The following RARA variants were observed in gnomAD, a reference collection of about 807,000 sequenced individuals.
The protein encoded by RARA is retinoic acid receptor alpha.
Under a neutral mutation model 42.8 loss-of-function variants are expected in RARA, and 5 were observed. That is an observed-to-expected ratio of 0.12 (90% CI 0.06 to 0.25). The LOEUF (loss-of-function observed/expected upper bound fraction) is 0.25. Ranked by LOEUF, RARA falls within the 10% of genes least tolerant of loss-of-function variation. The pLI is 1.00. For synonymous variants in RARA, 256 were observed against 259.5 expected (o/e 0.99, Z 0.13); for missense variants, 402 against 628.7 (o/e 0.64, Z 3.86).
intron 2 of RARA, among the ~76,000 whole-genome samples, chr17:40,344,338 AGT>A: frequency 6.6e-6 from 1 of 151,966 alleles, no homozygotes; most frequent in South Asian, 2.1e-4. Flanking sequence ...AAGAAGAGAG[AGT>A]GAGAGGATGA....
chr17:40,339,216 C>G (rs1158262105), intron 2 of RARA, among the ~76,000 whole-genome samples: 1 of 152,134 alleles, frequency 6.6e-6, no homozygotes, highest in African/African-American at 2.4e-5. Flanking sequence ...TACTGGGAGC[C>G]AGTGTCCACC....
chr17:40,342,409 C>T, intron 2 of RARA: 13 of 1,164,288 alleles, frequency 1.1e-5, no homozygotes, highest in Non-Finnish European at 1.4e-5. Context: ...AGACGGGAGT[C>T]CCCTCGAGGT....
intron 1 of RARA, among the ~76,000 whole-genome samples, chr17:40,316,694 G>T (rs1270133171): frequency 1.3e-5 from 2 of 152,204 alleles, no homozygotes; most frequent in African/African-American, 4.8e-5. Context: ...AGGCTGGAAG[G>T]CCCTTGGGGG....
chr17:40,342,235 C>A, intron 2 of RARA: 9 of 1,057,316 alleles, frequency 8.5e-6, no homozygotes, highest in Non-Finnish European at 1.0e-5. Context: ...GCGCGGGATC[C>A]CCACCCCCAC....
At chr17:40,313,935 G>A (rs1244188465) in intron 1 of RARA, among the ~76,000 whole-genome samples, 3 of 152,200 alleles carry the variant, frequency 2.0e-5, no homozygotes, top group Admixed American at 6.5e-5. Context: ...TGGGACTTGC[G>A]GAGTTGCTCA....
In RARA at chr17:40,351,816, C is replaced by A; in HGVS notation, c.470-94C>A. 1 of 1,504,094 alleles carries A rather than the reference C, an allele frequency of 6.6e-7. No homozygotes were observed. Among genetic ancestry groups the A allele is most frequent in the South Asian group, 1.3e-5 (1 of 79,772 alleles). 93.2% of individuals were successfully genotyped at this position (1,504,094 alleles called of 1,614,324 possible). A position where few individuals can be genotyped will look rare whatever the true frequency, so the allele number is the denominator to read the frequency against. On this transcript the variant is annotated intron_variant, in intron 4 of 8. Transcript: ENST00000254066. The surrounding 1 kb of genome is among the most constrained non-coding windows in gnomAD (Gnocchi z 4.1). ...GCGCGTGCTTACAAGCCTGGGTGAC[C>A]TCCTCAGCAGCTGGCAGCTCTCTGT... is the stretch of plus-strand genomic sequence containing the variant.
At position 40,330,486 on chromosome 17, in the gene RARA, C is replaced by A. The variant is rs147254893; in HGVS notation, c.-362-371C>A. Among the ~76,000 whole-genome samples, 485 of 152,230 alleles carry A rather than the reference C, an allele frequency of 3.2e-3. 3 individuals carry two copies. Among genetic ancestry groups the A allele is most frequent in the Non-Finnish European group, 4.9e-3 (332 of 67,986 alleles). ...TTTTCCTCCCCCTCCCTCTTCCCCC[C>A]CAGCACACGTTCTCTGCATCTTGAC... On this transcript the variant is annotated intron_variant, in intron 1 of 8. Coordinates refer to ENST00000254066, the MANE Select transcript of RARA (RefSeq NM_000964.4).
intron 1 of RARA, among the ~76,000 whole-genome samples, chr17:40,311,260 CT>C (rs2033090469): frequency 2.0e-5 from 3 of 152,086 alleles, no homozygotes; most frequent in East Asian, 1.9e-4. Flanking sequence ...AGGACTGCCC[CT>C]GGCACTGCCC....
In RARA at chr17:40,331,204, C is replaced by A; in HGVS notation, c.-15C>A. Reference sequence around the variant, plus strand: ...GCCAGACTGTCTGCCTCCCTTCTGACTGTGGCCGCTTGGCATGGCCAGCAA... The same window carrying A: ...GCCAGACTGTCTGCCTCCCTTCTGAATGTGGCCGCTTGGCATGGCCAGCAA... On this transcript the variant is annotated 5_prime_UTR_variant, in exon 2 of 9. The change creates a new upstream start codon in the 5' untranslated region. Transcript: ENST00000254066. 6.2e-7 allele frequency: 1 copy of A among 1,602,948 alleles called. No individual in the cohort carries two copies. Among genetic ancestry groups the A allele is most frequent in the Non-Finnish European group, 8.5e-7 (1 of 1,175,788 alleles).
rs2034031697 is a variant in RARA, at chr17:40,341,397, CACAG to C, written c.179-6915_179-6912del. The C allele has an allele frequency of 5.4e-6, 8 of 1,494,144 alleles. No individual in the cohort carries two copies. The East Asian group carries it at 2.3e-4, about 43-fold the overall frequency. The allele number at this position is 1,494,144 out of a possible 1,614,324, so 92.6% of individuals were successfully genotyped here. A position where few individuals can be genotyped will look rare whatever the true frequency, so the allele number is the denominator to read the frequency against. ...CGGCGGCCGGAGTCACACATGATGTCACAGACAATGACACAAGCCGGTGTCTCAT... is the reference window on the plus strand; with the variant it reads ...CGGCGGCCGGAGTCACACATGATGTCACAATGACACAAGCCGGTGTCTCAT... On this transcript the variant is annotated intron_variant, in intron 2 of 8. Coordinates refer to ENST00000254066, the MANE Select transcript of RARA (RefSeq NM_000964.4).
Position 40,357,031 on chromosome 17 carries a change from T to C in RARA, c.*805T>C, listed in dbSNP as rs2034655762. 9 of 385,838 alleles carry C rather than the reference T, an allele frequency of 2.3e-5. No individual in the cohort carries two copies. In the South Asian group the frequency reaches 2.4e-4, roughly 10 times the overall value. The allele number at this position is 385,838 out of a possible 1,614,324, so 23.9% of individuals were successfully genotyped here. A position where few individuals can be genotyped will look rare whatever the true frequency, so the allele number is the denominator to read the frequency against. Reference sequence around the variant, plus strand: ...TCCCACTGGAGAAGCCGCCAGCCCCTTTCTCCCTCTGCCTGACCACTGGGT... The same window carrying C: ...TCCCACTGGAGAAGCCGCCAGCCCCCTTCTCCCTCTGCCTGACCACTGGGT... On this transcript the variant is annotated 3_prime_UTR_variant, in exon 9 of 9. Coordinates refer to ENST00000254066, the MANE Select transcript of RARA (RefSeq NM_000964.4).
chr17:40,341,945 C>G lies in RARA; in HGVS notation c.179-6371C>G, dbSNP rs113062113. On this transcript the variant is annotated intron_variant, in intron 2 of 8. Transcript: ENST00000254066. Reference sequence around the variant, plus strand: ...TGTACTCCTCATCTGGAGCCTTTCCCCCTTCCTGCTTCTCTCCTCTCCTCC... The same window carrying G: ...TGTACTCCTCATCTGGAGCCTTTCCGCCTTCCTGCTTCTCTCCTCTCCTCC... 2.6e-5 allele frequency: 30 copies of G among 1,141,786 alleles called. No homozygotes were observed. In the African/African-American group the frequency reaches 4.8e-4, roughly 18 times the overall value. The allele number at this position is 1,141,786 out of a possible 1,614,324, so 70.7% of individuals were successfully genotyped here.
chr17:40,341,320 C>G (rs2034026718), intron 2 of RARA: 1 of 1,389,262 alleles, frequency 7.2e-7, no homozygotes, highest in Admixed American at 3.3e-5. Context: ...GGGAGGAGGG[C>G]CCCCTCTGCC....
At chr17:40,344,863 T>G (rs2034203087) in intron 2 of RARA, among the ~76,000 whole-genome samples, 1 of 152,140 alleles carries the variant, frequency 6.6e-6, no homozygotes, top group Middle Eastern at 3.2e-3. Context: ...AGACTCAGTC[T>G]AGAATATGTG....
intron 6 of RARA, among the ~76,000 whole-genome samples, chr17:40,353,171 A>G (rs1176725978): frequency 6.6e-6 from 1 of 152,122 alleles, no homozygotes; most frequent in Non-Finnish European, 1.5e-5. Context: ...GTGAGAGGGT[A>G]GCCCTAACTC....
At chr17:40,338,547 A>G (rs1419893722) in intron 2 of RARA, among the ~76,000 whole-genome samples, 1 of 152,034 alleles carries the variant, frequency 6.6e-6, no homozygotes, top group Non-Finnish European at 1.5e-5. Flanking sequence ...CCTCCTCCTT[A>G]AAGCAAGACT....
At chr17:40,341,741 C>T (rs962807501) in intron 2 of RARA, 1 of 1,291,052 alleles carries the variant, frequency 7.7e-7, no homozygotes, top group South Asian at 2.4e-5. Flanking sequence ...ACCGGGACCA[C>T]CCCCCTCTTC....
chr17:40,340,339 C>T (rs2033994887), intron 2 of RARA, among the ~76,000 whole-genome samples: 3 of 152,198 alleles, frequency 2.0e-5, no homozygotes, highest in African/African-American at 4.8e-5. Context: ...TTGCTTGGAA[C>T]CTTTCTATGG....
intron 1 of RARA, among the ~76,000 whole-genome samples, chr17:40,314,677 C>T (rs1303785586): frequency 6.6e-6 from 1 of 151,828 alleles, no homozygotes; most frequent in Non-Finnish European, 1.5e-5. Context: ...ACAGTCTGCC[C>T]CTGTCTGCAA....
Sources: allele counts gnomAD v4.1 joint callset (sites outside exome capture counted in the v4.1 genomes callset), GRCh38; gene constraint gnomAD v4.1.1; non-coding constraint Gnocchi (gnomAD v3.1); transcripts MANE v1.5; gene names NCBI Gene and HGNC (gene_info 2026-07-23, HGNC 2026-07-21).